Variants in TUBGCP5 observed in about 807,000 individuals in gnomAD.
TUBGCP5 encodes tubulin gamma complex component 5, also known as gamma-tubulin complex component 5.
TUBGCP5 carries 98 observed loss-of-function variants against 134.7 expected under a neutral mutation model. That is an observed-to-expected ratio of 0.73 (90% CI 0.62 to 0.86). The LOEUF is 0.86. Ranked by LOEUF, TUBGCP5 falls within the 40% of genes least tolerant of loss-of-function variation. The probability of loss-of-function intolerance (pLI) is 0.00; values close to 1 mark genes in which losing one functional copy is unlikely to be tolerated. For synonymous variants in TUBGCP5, 456 were observed against 431.4 expected, an observed-to-expected ratio of 1.06 and a Z score of -0.71; for missense variants, 1,150 against 1,244.8, an observed-to-expected ratio of 0.92 and a Z score of 1.15.
At chr15:23,003,809 T>C (rs934577686) in intron 20 of TUBGCP5, among the ~76,000 whole-genome samples, 2 of 151,956 alleles carry the variant, frequency 1.3e-5, no homozygotes, top group African/African-American at 4.8e-5. Flanking sequence ...TGCACCACCA[T>C]GTCTGCTAAT....
chr15:23,023,159 C>T (rs2065798226), intron 10 of TUBGCP5: 1 of 152,086 alleles, frequency 6.6e-6, no homozygotes, highest in African/African-American at 2.4e-5. Flanking sequence ...TGGTGAAAGC[C>T]TGTCTCTATT....
intron 13 of TUBGCP5, 46 bp downstream of exon 13, chr15:23,017,727 C>T: frequency 3.2e-6 from 5 of 1,565,838 alleles, no homozygotes; most frequent in Non-Finnish European, 4.3e-6. Context: ...CGAGTAGGGT[C>T]AGGTGTCCCA....
At chr15:23,004,472 A>G in intron 19 of TUBGCP5, 2 of 446,692 alleles carry the variant, frequency 4.5e-6, no homozygotes, top group Non-Finnish European at 3.9e-6. Context: ...ATGAACGCCA[A>G]ACTCTGGACT....
intron 8 of TUBGCP5, among the ~76,000 whole-genome samples, chr15:23,025,138 G>C (rs1013143204): frequency 6.6e-6 from 1 of 152,150 alleles, no homozygotes; most frequent in Non-Finnish European, 1.5e-5. Flanking sequence ...CTGAGCTCAA[G>C]TGATCCACCT....
Position 23,039,471 on chromosome 15 carries a change from C to T in TUBGCP5, c.73G>A (p.Gly25Ser). 1.3e-6 allele frequency: 2 copies of T among 1,542,994 alleles called. No individual in the cohort carries two copies. Among genetic ancestry groups the T allele is most frequent in the East Asian group, 2.6e-5 (1 of 38,784 alleles). ...QERDVRELVR[G>S]VAGLQDEADP... ...GCCTCGTCCTGGAGGCCGGCGACAC[C>T]CCGGACGAGCTCCCGCACGTCGCGC... Residue 25 changes from glycine (G) to serine (S), a missense_variant, in exon 1 of 23, where the codon GGT (glycine) becomes AGT (serine). Gly to Ser is a moderately conservative substitution (Grantham distance 56). Transcript: ENST00000615383.
At chr15:23,008,925 G>C in intron 15 of TUBGCP5, 44 bp from the exon 16 acceptor site, 5 of 1,466,868 alleles carry the variant, frequency 3.4e-6, no homozygotes, top group Non-Finnish European at 4.5e-6. Flanking sequence ...TCTGGCATTC[G>C]TAAGGCAGGA....
At position 22,999,407 on chromosome 15, in the gene TUBGCP5, G is replaced by T; in HGVS notation, c.*413C>A. ...ATCCATCTGTCTGGACTGTGGGCAAGTGGTTCTTTCTGAGTCAGGGTCTCA... is the reference window on the plus strand; with the variant it reads ...ATCCATCTGTCTGGACTGTGGGCAATTGGTTCTTTCTGAGTCAGGGTCTCA... On this transcript the variant is annotated 3_prime_UTR_variant, in exon 23 of 23. Transcript: ENST00000615383. 1 of 224,516 alleles carries T rather than the reference G, an allele frequency of 4.5e-6. No individual in the cohort carries two copies. Among genetic ancestry groups the T allele is most frequent in the Non-Finnish European group, 9.1e-6 (1 of 110,384 alleles). The allele number at this position is 224,516 out of a possible 1,614,324, so 13.9% of individuals were successfully genotyped here. A position where few individuals can be genotyped will look rare whatever the true frequency, so the allele number is the denominator to read the frequency against.
At chr15:23,025,458 G>GT (rs1405372624) in intron 8 of TUBGCP5, among the ~76,000 whole-genome samples, 1 of 152,178 alleles carries the variant, frequency 6.6e-6, no homozygotes, top group Non-Finnish European at 1.5e-5. Flanking sequence ...AATTTCAGTA[G>GT]TAACAGCACC....
intron 10 of TUBGCP5, chr15:23,023,056 C>T (rs1335735690): frequency 6.6e-6 from 1 of 152,148 alleles, no homozygotes; most frequent in Non-Finnish European, 1.5e-5. Flanking sequence ...CCAGCAATTC[C>T]ATTTATAAGA....
intron 1 of TUBGCP5, among the ~76,000 whole-genome samples, chr15:23,038,424 G>C (rs909458394): frequency 6.6e-6 from 1 of 152,140 alleles, no homozygotes; most frequent in African/African-American, 2.4e-5. Flanking sequence ...TTGGATTTCA[G>C]CATTTAAGTT....
chr15:23,010,068 G>T lies in TUBGCP5; in HGVS notation c.2021C>A (p.Ser674Ter). 6.2e-7 allele frequency: 1 copy of T among 1,614,098 alleles called. No homozygotes were observed. Among genetic ancestry groups the T allele is most frequent in the Non-Finnish European group, 8.5e-7 (1 of 1,180,024 alleles). Residue 674 changes from serine to a stop codon, truncating the protein, a stop_gained, in exon 15 of 23, where the codon TCA (serine) becomes TAA (stop). Transcript: ENST00000615383. LOFTEE classifies it high-confidence loss of function. Reference sequence around the variant, plus strand: ...AGTCTGGCATGTCACAGATTCCGATGATCTATCCACACATACATCACCACC... The same window carrying T: ...AGTCTGGCATGTCACAGATTCCGATTATCTATCCACACATACATCACCACC... ...FAGGDVCVDRSSESVTCQTFE... is the reference protein window; with the variant it reads ...FAGGDVCVDR
chr15:22,986,224 T>C (rs1284952581), intron 23 of TUBGCP5, among the ~76,000 whole-genome samples: 1 of 151,888 alleles, frequency 6.6e-6, no homozygotes, highest in Non-Finnish European at 1.5e-5. Context: ...GAACTCTGTG[T>C]ACTCTTAGTG....
intron 21 of TUBGCP5, among the ~76,000 whole-genome samples, chr15:23,001,492 C>A (rs2064372615): frequency 6.6e-6 from 1 of 151,288 alleles, no homozygotes; most frequent in Admixed American, 6.6e-5. Context: ...TACAGGCATG[C>A]ACCACCACGC....
chr15:22,990,517 G>C (rs2063815297), intron 23 of TUBGCP5, among the ~76,000 whole-genome samples: 1 of 152,176 alleles, frequency 6.6e-6, no homozygotes, highest in Admixed American at 6.5e-5. Context: ...AATACCAGCA[G>C]AACAGGGAGA....
At chr15:23,016,857 G>C (rs1161801613) in intron 13 of TUBGCP5, among the ~76,000 whole-genome samples, 1 of 151,256 alleles carries the variant, frequency 6.6e-6, no homozygotes, top group Non-Finnish European at 1.5e-5. Context: ...AGGAAATCAG[G>C]ATATCAAAGA....
rs759388507 is a variant in TUBGCP5 at position 23,005,562 on chromosome 15, T to C, written c.2582A>G (p.His861Arg). 7.4e-6 allele frequency: 12 copies of C among 1,614,056 alleles called. No individual in the cohort carries two copies. The highest frequency in any genetic ancestry group is 3.3e-5 in the Admixed American group (2 of 60,000). The change falls in exon 19 of 23, where the codon CAT (histidine) becomes CGT (arginine). Residue 861 changes from histidine (H) to arginine (R), a missense_variant. His to Arg is a conservative substitution (Grantham distance 29, BLOSUM62 0). Coordinates refer to ENST00000615383, the MANE Select transcript of TUBGCP5 (RefSeq NM_052903.6). ...GAACTGAGCAACTGTGTCTTGTTCA[T>C]GTATAAGGCCTTCTTTAAGTCGTGG... Reference protein sequence around the residue: ...EKPRLKEGLIHEQDTVAQFGP... With the variant: ...EKPRLKEGLIREQDTVAQFGP...
chr15:23,034,250 C>T (rs2066464358), intron 3 of TUBGCP5, among the ~76,000 whole-genome samples: 1 of 152,142 alleles, frequency 6.6e-6, no homozygotes, highest in South Asian at 2.1e-4. Flanking sequence ...CAATAAAAGC[C>T]CCAGAGTCCT....
At chr15:23,035,951 A>G (rs991427613) in intron 3 of TUBGCP5, among the ~76,000 whole-genome samples, 2 of 152,200 alleles carry the variant, frequency 1.3e-5, no homozygotes, top group African/African-American at 4.8e-5. Flanking sequence ...CAAGAAAGGA[A>G]CTATAAAGAA....
rs137935304 is a variant in TUBGCP5 at position 23,007,543 on chromosome 15, T to A, written c.2327+1156A>T. Among the ~76,000 whole-genome samples, 636 of 152,180 alleles carry A rather than the reference T, an allele frequency of 4.2e-3. 3 individuals are homozygous for A. The highest frequency in any genetic ancestry group is 0.015 in the African/African-American group (611 of 41,504). On this transcript the variant is annotated intron_variant, in intron 16 of 22. Transcript: ENST00000615383. ...TTCCCTCCAGGGACTCCCAGCCCAGTGCAGCACACGAAGACAAGGGGGATG... is the reference window on the plus strand; with the variant it reads ...TTCCCTCCAGGGACTCCCAGCCCAGAGCAGCACACGAAGACAAGGGGGATG...
Sources: allele counts gnomAD v4.1 joint callset (sites outside exome capture counted in the v4.1 genomes callset), GRCh38; gene constraint gnomAD v4.1.1; transcripts MANE v1.5; gene names NCBI Gene and HGNC (gene_info 2026-07-23, HGNC 2026-07-21).